CIT: variants seen among roughly 807,000 people sequenced by gnomAD.
CIT encodes citron rho-interacting serine/threonine kinase.
A neutral mutation model predicts 272.7 loss-of-function variants in CIT; 79 were observed. The observed-to-expected ratio is 0.29, with a 90% CI of 0.24 to 0.35. CIT has a LOEUF of 0.35. CIT is among the 10% of genes least tolerant of loss of function. CIT has a pLI of 1.00. For synonymous variants in CIT, 948 were observed against 995.6 expected, an observed-to-expected ratio of 0.95 and a Z score of 0.90; for missense variants, 1,909 against 2,618.3, an observed-to-expected ratio of 0.73 and a Z score of 5.91.
chr12:119,815,307 G>T (rs1368108262), intron 9 of CIT, among the ~76,000 whole-genome samples: 1 of 151,520 alleles, frequency 6.6e-6, no homozygotes, highest in Non-Finnish European at 1.5e-5. Context: ...CAATGGCTGA[G>T]TGGCAGATTC....
chr12:119,845,978 A>G (rs1363602025), intron 5 of CIT, among the ~76,000 whole-genome samples: 1 of 151,782 alleles, frequency 6.6e-6, no homozygotes, highest in Admixed American at 6.6e-5. Context: ...ACACACACAC[A>G]CACACAGAAA....
intron 5 of CIT, among the ~76,000 whole-genome samples, chr12:119,849,621 T>A (rs1026468683): frequency 1.3e-5 from 2 of 152,000 alleles, no homozygotes; most frequent in Non-Finnish European, 2.9e-5. Context: ...CAATAAATGA[T>A]TCCCTATTAT....
chr12:119,791,293 T>G (rs2137775212), intron 10 of CIT, among the ~76,000 whole-genome samples: 1 of 152,258 alleles, frequency 6.6e-6, no homozygotes, highest in South Asian at 2.1e-4. Context: ...TACAGTGACC[T>G]CCATCCATGA....
chr12:119,780,302 T>C (rs967628477), intron 13 of CIT, among the ~76,000 whole-genome samples: 1 of 151,928 alleles, frequency 6.6e-6, no homozygotes, highest in African/African-American at 2.4e-5. Context: ...GGTAGCTAGG[T>C]GGAAGTAAAA....
Position 119,712,287 on chromosome 12 carries a change from G to C in CIT, c.4745C>G (p.Thr1582Ser). ...GAAGCTGGGAGCTAGCAAGTAGAGG[G>C]TTCTCCCGGGCCAGCAGGTGGTGTG... ...HPHTTCWPGR[T>S]LYLLAPSFPD... Residue 1582 changes from threonine to serine, a missense_variant, in exon 37 of 48, where the codon ACC becomes AGC. Physicochemically the swap from Thr to Ser is moderately conservative, Grantham distance 58 (BLOSUM62 1). Transcript: ENST00000392521. This position sits in a 1 kb window ranked among gnomAD's most constrained non-coding sequence, Gnocchi z 5.2. The C allele has an allele frequency of 1.2e-6, 2 of 1,614,146 alleles. No homozygotes were observed. The highest frequency in any genetic ancestry group is 1.7e-6 in the Non-Finnish European group (2 of 1,179,988).
rs377690351 is a variant in CIT at position 119,847,456 on chromosome 12, C to T, written c.516+2718G>A. Among the ~76,000 whole-genome samples the T allele has an allele frequency of 5.5e-4, 83 of 151,554 alleles. 1 individual carries two copies. The East Asian group carries it at 8.4e-3, about 15-fold the overall frequency. ...TAAAAATATAAAAATTAGCTGGGCACGGTGGCACACGCCTGTAGTCCCAGC... is the reference window on the plus strand; with the variant it reads ...TAAAAATATAAAAATTAGCTGGGCATGGTGGCACACGCCTGTAGTCCCAGC... On this transcript the variant is annotated intron_variant, in intron 5 of 47. Coordinates refer to ENST00000392521, the MANE Select transcript of CIT (RefSeq NM_001206999.2).
chr12:119,743,452 G>C (rs548180452), intron 23 of CIT, among the ~76,000 whole-genome samples: 12 of 152,300 alleles, frequency 7.9e-5, no homozygotes, highest in African/African-American at 2.6e-4. Flanking sequence ...AAAAAACTGA[G>C]TGGCTAGAGC....
intron 3 of CIT, among the ~76,000 whole-genome samples, chr12:119,868,253 C>T (rs541666711): frequency 6.6e-6 from 1 of 152,222 alleles, no homozygotes; most frequent in Admixed American, 6.5e-5. Flanking sequence ...TTTATGACTA[C>T]ATTAGTATAA....
chr12:119,850,085 C>T (rs890229343), intron 5 of CIT, 89 bp downstream of exon 5: 93 of 866,220 alleles, frequency 1.1e-4, no homozygotes, highest in Non-Finnish European at 1.7e-4. Flanking sequence ...AATGAGACCA[C>T]ATGGGCAAGA....
chr12:119,845,730 T>G (rs1234075036), intron 5 of CIT, among the ~76,000 whole-genome samples: 3 of 145,176 alleles, frequency 2.1e-5, no homozygotes, highest in African/African-American at 7.7e-5. Flanking sequence ...GGTGGGCGGA[T>G]CACAAGGTCA....
chr12:119,714,287 G>A lies in CIT; in HGVS notation c.4216C>T (p.Arg1406Ter), dbSNP rs1294448698. The A allele has an allele frequency of 6.2e-7, 1 of 1,614,096 alleles. No individual in the cohort carries two copies. Residue 1406 changes from arginine (R) to a stop codon, truncating the protein, a stop_gained, in exon 33 of 48, where the codon CGA becomes TGA. Transcript: ENST00000392521. LOFTEE classifies it high-confidence loss of function. Reference sequence around the variant, plus strand: ...CGCATGTTCAGTCCTACGTTGAATCGGTGAGGAATATTGTGGTGCATGCGT... The same window carrying A: ...CGCATGTTCAGTCCTACGTTGAATCAGTGAGGAATATTGTGGTGCATGCGT... ...KERMHHNIPH[R>*]FNVGLNMRAT...
At chr12:119,860,879 G>C (rs1022892993) in intron 3 of CIT, among the ~76,000 whole-genome samples, 1 of 151,670 alleles carries the variant, frequency 6.6e-6, no homozygotes. Context: ...CCAGCACTTT[G>C]GGAGGCCCAG....
rs911898916 is a variant in CIT, at chr12:119,720,582, G to A, written c.3736C>T (p.Leu1246Phe). The A allele has an allele frequency of 6.3e-7, 1 of 1,589,092 alleles. No homozygotes were observed. The highest frequency in any genetic ancestry group is 1.4e-5 in the African/African-American group (1 of 73,478). ...ATTTTCACCTTTTCATGAGAATAGA[G>A]AACCTAAAATTCAAGAAAACAAACT... ...LEYQLENIQVLYSHEKVKMEG... is the reference protein window; with the variant it reads ...LEYQLENIQVFYSHEKVKMEG... The change falls in exon 30 of 48, where the codon CTC (leucine) becomes TTC (phenylalanine). Residue 1246 changes from leucine to phenylalanine, a missense_variant. Physicochemically the swap from Leu to Phe is conservative, Grantham distance 22 (BLOSUM62 0). Coordinates refer to ENST00000392521, the MANE Select transcript of CIT (RefSeq NM_001206999.2).
intron 39 of CIT, among the ~76,000 whole-genome samples, chr12:119,709,787 AGTGTGTGTGTGTGTGTGTGTGTGTGTGT>A (rs150206566): frequency 3.7e-5 from 4 of 107,634 alleles, no homozygotes; most frequent in African/African-American, 1.0e-4. Context: ...AGAGAGAGAG[AGTGTGTGTGTGTGTGTGTGTGTGTGTGT>A]GTGTGTGTGT....
rs1213751143 is a variant in CIT, at chr12:119,770,304, G to A, written c.2208+481C>T. Among the ~76,000 whole-genome samples the A allele has an allele frequency of 6.6e-6, 1 of 151,972 alleles. No individual in the cohort carries two copies. The highest frequency in any genetic ancestry group is 6.6e-5 in the Admixed American group (1 of 15,248). On this transcript the variant is annotated intron_variant, in intron 18 of 47. Coordinates refer to ENST00000392521, the MANE Select transcript of CIT (RefSeq NM_001206999.2). The surrounding 1 kb of genome is among the most constrained non-coding windows in gnomAD (Gnocchi z 4.4). ...CCAACTGTAGCAGAGAAAGTGAGTG[G>A]GTGAACATGGATCTATGACAAATAC...
At position 119,849,627 on chromosome 12, in the gene CIT, A is replaced by G. The variant is rs149301267; in HGVS notation, c.516+547T>C. On this transcript the variant is annotated intron_variant, in intron 5 of 47. Transcript: ENST00000392521. ...ACTATTCCCCAATAAATGATTCCCT[A>G]TTATTGCCTGAAAGCCACAGCTACA... Among the ~76,000 whole-genome samples the G allele has an allele frequency of 5.5e-3, 829 of 151,892 alleles. 4 individuals are homozygous for G. The highest frequency in any genetic ancestry group is 0.014 in the South Asian group (69 of 4,802).
At chr12:119,846,121 C>CA (rs1225096871) in intron 5 of CIT, among the ~76,000 whole-genome samples, 1 of 152,150 alleles carries the variant, frequency 6.6e-6, no homozygotes, top group Non-Finnish European at 1.5e-5. Context: ...AGACATGAAA[C>CA]AATGCACTCC....
intron 26 of CIT, among the ~76,000 whole-genome samples, chr12:119,733,947 T>A (rs1026964882): frequency 6.6e-6 from 1 of 152,068 alleles, no homozygotes; most frequent in Non-Finnish European, 1.5e-5. Context: ...ATACCAGTCA[T>A]AGCCACAGAA....
At chr12:119,793,942 T>C (rs1965522415) in intron 10 of CIT, among the ~76,000 whole-genome samples, 3 of 152,346 alleles carry the variant, frequency 2.0e-5, no homozygotes, top group East Asian at 1.9e-4. Context: ...GTCAGTGCTA[T>C]ATCCCAGGTT....
Sources: gnomAD v4.1 joint callset for allele counts (sites outside exome capture counted in the v4.1 genomes callset) on GRCh38, gnomAD v4.1.1 for gene constraint, Gnocchi (gnomAD v3.1) non-coding constraint, MANE v1.5 for transcripts, NCBI Gene and HGNC (gene_info 2026-07-23, HGNC 2026-07-21) for gene names.